The following NPR2 variants were observed in gnomAD, a reference collection of about 807,000 sequenced individuals.
NPR2 encodes the protein natriuretic peptide receptor 2.
Under a neutral mutation model 120.7 loss-of-function variants are expected in NPR2, and 49 were observed. The ratio of observed to expected loss-of-function variants is 0.41; its 90% CI spans 0.32 to 0.52. The LOEUF is 0.52. Among genes scored for constraint, NPR2 ranks in the 20% least tolerant of loss-of-function variants. NPR2 has a pLI of 0.36. For missense variants in NPR2, 931 were observed against 1,362.9 expected, an observed-to-expected ratio of 0.68 and a Z score of 4.99; for synonymous variants, 484 against 519.8, an observed-to-expected ratio of 0.93 and a Z score of 0.94.
Position 35,802,888 on chromosome 9 carries a change from TC to T in NPR2, c.1887+86del. 2 of 909,470 alleles carry T rather than the reference TC, an allele frequency of 2.2e-6. No individual in the cohort carries two copies. Among genetic ancestry groups the T allele is most frequent in the Non-Finnish European group, 3.7e-6 (2 of 540,946 alleles). 56.3% of individuals were successfully genotyped at this position (909,470 alleles called of 1,614,324 possible). On this transcript the variant is annotated intron_variant, in intron 12 of 21. Coordinates refer to ENST00000342694, the MANE Select transcript of NPR2 (RefSeq NM_003995.4). This position sits in a 1 kb window ranked among gnomAD's most constrained non-coding sequence, Gnocchi z 4.2. ...ATTGTGGTTTTTCTCCTTCTAGTCC[TC>T]TGAAGTCCTGTTCTCTCATCTCCCC...
Position 35,792,899 on chromosome 9 carries a change from C to G in NPR2, c.491C>G (p.Ala164Gly), listed in dbSNP as rs62637657. ...CTACACGGGCACTTCAATTGGACTG[C>G]CCGTGCTGCCTTGCTGTACCTGGAT... ...VTLHGHFNWT[A>G]RAALLYLDAR... Residue 164 changes from alanine to glycine, a missense_variant, in exon 1 of 22, where the codon GCC becomes GGC. By Grantham distance (60) the Ala-to-Gly change is moderately conservative. Transcript: ENST00000342694. The G allele has an allele frequency of 1.3e-4, 210 of 1,614,144 alleles. 1 individual carries two copies. The highest frequency in any genetic ancestry group is 1.7e-4 in the Non-Finnish European group (196 of 1,180,034).
chr9:35,798,149 T>C (rs903440075), intron 2 of NPR2, among the ~76,000 whole-genome samples: 1 of 152,272 alleles, frequency 6.6e-6, no homozygotes, highest in Non-Finnish European at 1.5e-5. Context: ...CCAAACTTAG[T>C]GTTGAGAATT....
In NPR2 at chr9:35,808,107, G is replaced by A. The variant is rs898316658; in HGVS notation, c.2713-402G>A. 2.8e-5 allele frequency: 33 copies of A among 1,185,024 alleles called. No homozygotes were observed. The highest frequency in any genetic ancestry group is 4.0e-5 in the Non-Finnish European group (32 of 795,032). The allele number at this position is 1,185,024 out of a possible 1,614,324, so 73.4% of individuals were successfully genotyped here. On this transcript the variant is annotated intron_variant, in intron 18 of 21. Coordinates refer to ENST00000342694, the MANE Select transcript of NPR2 (RefSeq NM_003995.4). This position sits in a 1 kb window ranked among gnomAD's most constrained non-coding sequence, Gnocchi z 4.0. ...TTTGGCACAATTACCAAAATCAAAT[G>A]CCTGCTTTCCTCCTCTCTGACAGTT...
chr9:35,802,660 G>C lies in NPR2; in HGVS notation c.1815+53G>C, dbSNP rs1828218730. ...CAGGGGTGGGAAGGATAGACCCAAA[G>C]TTATACTGACTCTATGCTGGGTGAT... On this transcript the variant is annotated intron_variant, in intron 11 of 21. Transcript: ENST00000342694. The surrounding 1 kb of genome is among the most constrained non-coding windows in gnomAD (Gnocchi z 4.2). 1 of 1,479,572 alleles carries C rather than the reference G, an allele frequency of 6.8e-7. No individual in the cohort carries two copies. Among genetic ancestry groups the C allele is most frequent in the South Asian group, 1.1e-5 (1 of 88,344 alleles). The allele number at this position is 1,479,572 out of a possible 1,614,324, so 91.7% of individuals were successfully genotyped here.
rs1345897031 is a variant in NPR2, at chr9:35,806,379, G to C, written c.2373-13G>C. 2 of 1,612,862 alleles carry C rather than the reference G, an allele frequency of 1.2e-6. No homozygotes were observed. The highest frequency in any genetic ancestry group is 1.7e-6 in the Non-Finnish European group (2 of 1,178,918). Reference sequence around the variant, plus strand: ...AATCTTAGAGCAAGTGCCTTATCCTGGCCTCCCTCTAGGGAGGGTGGCACC... The same window carrying C: ...AATCTTAGAGCAAGTGCCTTATCCTCGCCTCCCTCTAGGGAGGGTGGCACC... On this transcript the variant is annotated splice_polypyrimidine_tract_variant and intron_variant, in intron 15 of 21. Transcript: ENST00000342694. The surrounding 1 kb of genome is among the most constrained non-coding windows in gnomAD (Gnocchi z 4.6).
Position 35,802,647 on chromosome 9 carries a change from G to A in NPR2, c.1815+40G>A. ...TAGGAGATTATGGCAGGGGTGGGAA[G>A]GATAGACCCAAAGTTATACTGACTC... is the stretch of plus-strand genomic sequence containing the variant. On this transcript the variant is annotated intron_variant, in intron 11 of 21. Transcript: ENST00000342694. This position sits in a 1 kb window ranked among gnomAD's most constrained non-coding sequence, Gnocchi z 4.2. 6.7e-7 allele frequency: 1 copy of A among 1,484,226 alleles called. No homozygotes were observed. Among genetic ancestry groups the A allele is most frequent in the Non-Finnish European group, 9.4e-7 (1 of 1,061,792 alleles). The allele number at this position is 1,484,226 out of a possible 1,614,324, so 91.9% of individuals were successfully genotyped here.
Position 35,806,231 on chromosome 9 carries a change from C to A in NPR2, c.2370C>A (p.Asn790Lys). Residue 790 changes from asparagine (N) to lysine (K), a missense_variant and splice_region_variant, in exon 15 of 22, where the codon AAC becomes AAA. Asn to Lys is a moderately conservative substitution (Grantham distance 94). This residue lies in a region of NPR2 where 66 missense variants were observed against 60.3 expected (regional missense o/e 1.09). Transcript: ENST00000342694. This position sits in a 1 kb window ranked among gnomAD's most constrained non-coding sequence, Gnocchi z 4.6. ...TTAAGGGCTTCATTCGGCGCTTTAA[C>A]AAGTGAGAGGGCATTATGGGGCAGG... The part of the protein sequence containing the change: ...GQIKGFIRRF[N>K]KEGGTSILDN... 6.2e-7 allele frequency: 1 copy of A among 1,614,138 alleles called. No individual in the cohort carries two copies. The highest frequency in any genetic ancestry group is 8.5e-7 in the Non-Finnish European group (1 of 1,180,038).
Position 35,800,912 on chromosome 9 carries a change from A to T in NPR2, c.1351+71A>T. On this transcript the variant is annotated intron_variant, in intron 6 of 21. Coordinates refer to ENST00000342694, the MANE Select transcript of NPR2 (RefSeq NM_003995.4). This position sits in a 1 kb window ranked among gnomAD's most constrained non-coding sequence, Gnocchi z 4.7. Reference sequence around the variant, plus strand: ...CCATTCATGGCCTCCACCCTCACTGACCCTCCACTCTTAACTGTGCTTCTG... The same window carrying T: ...CCATTCATGGCCTCCACCCTCACTGTCCCTCCACTCTTAACTGTGCTTCTG... 1 of 1,600,150 alleles carries T rather than the reference A, an allele frequency of 6.2e-7. No homozygotes were observed. Among genetic ancestry groups the T allele is most frequent in the South Asian group, 1.1e-5 (1 of 90,732 alleles).
At position 35,806,995 on chromosome 9, in the gene NPR2, T is replaced by C. The variant is rs1278449728; in HGVS notation, c.2520-28T>C. 6.2e-7 allele frequency: 1 copy of C among 1,613,522 alleles called. No homozygotes were observed. The highest frequency in any genetic ancestry group is 8.5e-7 in the Non-Finnish European group (1 of 1,179,474). ...CTTCCACTCCTGCTCTCTTGGAGTT[T>C]GGCTCATACGGCACCCTTGCTTCCT... On this transcript the variant is annotated intron_variant, in intron 16 of 21. Coordinates refer to ENST00000342694, the MANE Select transcript of NPR2 (RefSeq NM_003995.4). The surrounding 1 kb of genome is among the most constrained non-coding windows in gnomAD (Gnocchi z 4.6).
rs1828407439 is a variant in NPR2 at position 35,806,787 on chromosome 9, A to G, written c.2520-236A>G. On this transcript the variant is annotated intron_variant, in intron 16 of 21. Transcript: ENST00000342694. The surrounding 1 kb of genome is among the most constrained non-coding windows in gnomAD (Gnocchi z 4.6). ...CCTTGCTTCAGCAAGTGTATGTAAAACAGTCCCAACTTGAGACAGCTCCCA... is the reference window on the plus strand; with the variant it reads ...CCTTGCTTCAGCAAGTGTATGTAAAGCAGTCCCAACTTGAGACAGCTCCCA... Among the ~76,000 whole-genome samples the G allele has an allele frequency of 1.3e-5, 2 of 152,062 alleles. No individual in the cohort carries two copies. The highest frequency in any genetic ancestry group is 1.5e-5 in the Non-Finnish European group (1 of 67,998).
intron 12 of NPR2, among the ~76,000 whole-genome samples, chr9:35,803,847 G>A (rs1002778311): frequency 1.3e-5 from 2 of 152,338 alleles, no homozygotes; most frequent in East Asian, 1.9e-4. Flanking sequence ...TCAAATGAGA[G>A]ATAAAAATAT....
Position 35,792,317 on chromosome 9 carries a change from C to G in NPR2, c.-92C>G. On this transcript the variant is annotated 5_prime_UTR_variant, in exon 1 of 22. Coordinates refer to ENST00000342694, the MANE Select transcript of NPR2 (RefSeq NM_003995.4). The stretch of plus-strand genomic sequence containing the variant: ...TACTCCTCCTCTTCCTGGCCCTCTT[C>G]CCCAGGCTCCAGGCTGGGGGGTGCT... 1 of 1,384,122 alleles carries G rather than the reference C, an allele frequency of 7.2e-7. No homozygotes were observed. Among genetic ancestry groups the G allele is most frequent in the African/African-American group, 1.4e-5 (1 of 69,536 alleles). 85.7% of individuals were successfully genotyped at this position (1,384,122 alleles called of 1,614,324 possible). A position where few individuals can be genotyped will look rare whatever the true frequency, so the allele number is the denominator to read the frequency against.
Position 35,806,896 on chromosome 9 carries a change from T to G in NPR2, c.2520-127T>G, listed in dbSNP as rs973368896. On this transcript the variant is annotated intron_variant, in intron 16 of 21. Transcript: ENST00000342694. The surrounding 1 kb of genome is among the most constrained non-coding windows in gnomAD (Gnocchi z 4.6). ...TGTAATGTCTTCCCAGCCACTTTCCTCCCTCCCACCTGAAAAGCCTAGCTT... is the reference window on the plus strand; with the variant it reads ...TGTAATGTCTTCCCAGCCACTTTCCGCCCTCCCACCTGAAAAGCCTAGCTT... 3 of 1,077,876 alleles carry G rather than the reference T, an allele frequency of 2.8e-6. No homozygotes were observed. The African/African-American group carries it at 4.7e-5, about 17-fold the overall frequency. 66.8% of individuals were successfully genotyped at this position (1,077,876 alleles called of 1,614,324 possible). A position where few individuals can be genotyped will look rare whatever the true frequency, so the allele number is the denominator to read the frequency against.
intron 2 of NPR2, among the ~76,000 whole-genome samples, chr9:35,796,181 C>A (rs1440608787): frequency 6.6e-6 from 1 of 152,116 alleles, no homozygotes. Flanking sequence ...ACTCCATAAC[C>A]TTCCTGGTTA....
At position 35,792,997 on chromosome 9, in the gene NPR2, A is replaced by G. The variant is rs764993090; in HGVS notation, c.589A>G (p.Ser197Gly). The change falls in exon 1 of 22, where the codon AGT becomes GGT. Residue 197 changes from serine (S) to glycine (G), a missense_variant. Physicochemically the swap from Ser to Gly is moderately conservative, Grantham distance 56. Around this residue, in one of 3 missense-constraint regions of NPR2, gnomAD observed 681 missense variants for 974.3 expected, o/e 0.70. Transcript: ENST00000342694. ...TGAGGCCCTGCAGGGCAGCAACCTC[A>G]GTGTGCAGCACCAGGTGTATGCCCG... ...VFEALQGSNL[S>G]VQHQVYAREP... The G allele has an allele frequency of 6.2e-6, 10 of 1,613,390 alleles. No individual in the cohort carries two copies. The East Asian group carries it at 2.0e-4, about 32-fold the overall frequency.
In NPR2 at chr9:35,799,701, A is replaced by G; in HGVS notation, c.957A>G (p.Glu319=). The change falls in exon 3 of 22, where the codon GAA becomes GAG. Residue 319 remains glutamate, a synonymous_variant. Coordinates refer to ENST00000342694, the MANE Select transcript of NPR2 (RefSeq NM_003995.4). ...FQNRLLIRAR[E]DFGVELGPSL... is the part of the protein sequence containing the mutation. ...ATCGTCTGCTGATAAGAGCCCGGGA[A>G]GACTTTGGTGTGGAGCTGGGCCCTT... The G allele has an allele frequency of 6.2e-7, 1 of 1,614,024 alleles. No individual in the cohort carries two copies. The highest frequency in any genetic ancestry group is 8.5e-7 in the Non-Finnish European group (1 of 1,179,988).
Position 35,802,729 on chromosome 9 carries a change from C to T in NPR2, c.1816-3C>T, listed in dbSNP as rs897540318. ...AGACAGTCTATTCCATGTCACTTAC[C>T]AGGATATTCTAGAAAATGACAGCAT... On this transcript the variant is annotated splice_polypyrimidine_tract_variant and splice_region_variant and intron_variant, in intron 11 of 21. Transcript: ENST00000342694. This position sits in a 1 kb window ranked among gnomAD's most constrained non-coding sequence, Gnocchi z 4.2. 8 of 1,606,218 alleles carry T rather than the reference C, an allele frequency of 5.0e-6. No individual in the cohort carries two copies. The highest frequency in any genetic ancestry group is 2.2e-5 in the East Asian group (1 of 44,864).
intron 2 of NPR2, among the ~76,000 whole-genome samples, chr9:35,796,044 C>A (rs1038714540): frequency 6.6e-6 from 1 of 152,092 alleles, no homozygotes; most frequent in African/African-American, 2.4e-5. Flanking sequence ...AATGTAGGAA[C>A]ATATTGTGAT....
At chr9:35,796,209 A>G (rs1727019579) in intron 2 of NPR2, among the ~76,000 whole-genome samples, 1 of 152,132 alleles carries the variant, frequency 6.6e-6, no homozygotes, top group South Asian at 2.1e-4. Flanking sequence ...TTTCTTTTTG[A>G]GACAGCTCTG....
Sources: gnomAD v4.1 joint callset for allele counts (sites outside exome capture counted in the v4.1 genomes callset) on GRCh38, gnomAD v4.1.1 for gene constraint, gnomAD v4.1.1 regional missense constraint, Gnocchi (gnomAD v3.1) non-coding constraint, MANE v1.5 for transcripts, NCBI Gene and HGNC (gene_info 2026-07-23, HGNC 2026-07-21) for gene names.